The following DDX42 variants were observed in gnomAD, a reference collection of about 807,000 sequenced individuals.
The protein encoded by DDX42 is ATP-dependent RNA helicase DDX42.
A neutral mutation model predicts 101.5 loss-of-function variants in DDX42; 22 were observed. The ratio of observed to expected loss-of-function variants is 0.22; its 90% CI spans 0.15 to 0.31. The LOEUF is 0.31. Among genes scored for constraint, DDX42 ranks in the 10% least tolerant of loss-of-function variants. DDX42 has a pLI of 1.00. For missense variants in DDX42, 849 were observed against 1,199.9 expected, an observed-to-expected ratio of 0.71 and a Z score of 4.32; for synonymous variants, 402 against 401.2, an observed-to-expected ratio of 1.00 and a Z score of -0.02.
intron 2 of DDX42, among the ~76,000 whole-genome samples, chr17:63,788,172 T>C (rs1333186227): frequency 6.6e-6 from 1 of 151,850 alleles, no homozygotes; most frequent in Non-Finnish European, 1.5e-5. Flanking sequence ...CCCAAAGTGC[T>C]GGGATTACAT....
intron 15 of DDX42, among the ~76,000 whole-genome samples, chr17:63,814,189 C>T (rs1007842411): frequency 1.3e-5 from 2 of 152,230 alleles, no homozygotes; most frequent in Non-Finnish European, 2.9e-5. Context: ...TCTCAGACCT[C>T]TGACCACACT....
intron 5 of DDX42, chr17:63,800,223 C>T (rs1395554784): frequency 1.0e-5 from 4 of 401,914 alleles, no homozygotes; most frequent in Non-Finnish European, 1.8e-5. Flanking sequence ...GTGGAACAGA[C>T]AGATTTGTAA....
chr17:63,779,533 G>A (rs1325701991), intron 1 of DDX42, among the ~76,000 whole-genome samples: 1 of 151,620 alleles, frequency 6.6e-6, no homozygotes, highest in African/African-American at 2.4e-5. Flanking sequence ...CAAAGTGCTG[G>A]GACTGCAGTT....
Position 63,803,840 on chromosome 17 carries a change from G to A in DDX42, c.622-1231G>A, listed in dbSNP as rs188750850. On this transcript the variant is annotated intron_variant, in intron 6 of 17. Transcript: ENST00000389924. ...AATTTTTGTATTTTTGGTAGAGACG[G>A]GCTTTCACCATGTTGGCCAGGCTGG... is the stretch of plus-strand genomic sequence containing the variant. Among the ~76,000 whole-genome samples, 803 of 151,718 alleles carry A rather than the reference G, an allele frequency of 5.3e-3. 5 individuals are homozygous for A. Among genetic ancestry groups the A allele is most frequent in the African/African-American group, 0.018 (733 of 41,404 alleles).
intron 1 of DDX42, among the ~76,000 whole-genome samples, chr17:63,783,855 G>T (rs958061373): frequency 6.6e-6 from 1 of 152,074 alleles, no homozygotes; most frequent in African/African-American, 2.4e-5. Context: ...TTGAGGTCGG[G>T]AGTACAAGAC....
At chr17:63,778,529 C>A (rs1037917592) in intron 1 of DDX42, among the ~76,000 whole-genome samples, 4 of 152,192 alleles carry the variant, frequency 2.6e-5, no homozygotes, top group Non-Finnish European at 5.9e-5. Context: ...ATGGCTGCAT[C>A]TGATTCCATT....
chr17:63,814,675 C>CTTTTTTTTGTTT (rs2039953571), intron 15 of DDX42, among the ~76,000 whole-genome samples: 1 of 90,456 alleles, frequency 1.1e-5, no homozygotes, highest in African/African-American at 4.4e-5. Flanking sequence ...GAGACATTTG[C>CTTTTTTTTGTTT]TTTTTTTTTT....
chr17:63,818,305 G>C lies in DDX42; in HGVS notation c.2724G>C (p.Lys908Asn), dbSNP rs574761500. 1.5e-5 allele frequency: 25 copies of C among 1,614,070 alleles called. No homozygotes were observed. The Admixed American group carries it at 2.0e-4, about 13-fold the overall frequency. The part of the protein sequence containing the change: ...PKMEPKVDSS[K>N]MDKVDSKTDK... ...TGGAACCCAAAGTGGACAGCAGCAAGATGGACAAGGTGGACAGCAAGACAG... is the reference window on the plus strand; with the variant it reads ...TGGAACCCAAAGTGGACAGCAGCAACATGGACAAGGTGGACAGCAAGACAG... Residue 908 changes from lysine to asparagine, a missense_variant, in exon 18 of 18, where the codon AAG (lysine) becomes AAC (asparagine). Physicochemically the swap from Lys to Asn is moderately conservative, Grantham distance 94 (BLOSUM62 0). Around this residue, in one of 5 missense-constraint regions of DDX42, gnomAD observed 300 missense variants for 304.9 expected, o/e 0.98. Transcript: ENST00000389924.
chr17:63,818,503 T>C lies in DDX42; in HGVS notation c.*105T>C. ...TGGGGTCCAAAGTGTAAGGACCCCC[T>C]GCCCTTAGTGGAGAGCTGGAGCTTG... On this transcript the variant is annotated 3_prime_UTR_variant, in exon 18 of 18. Transcript: ENST00000389924. The C allele has an allele frequency of 9.9e-7, 1 of 1,014,472 alleles. No individual in the cohort carries two copies. Among genetic ancestry groups the C allele is most frequent in the Non-Finnish European group, 1.4e-6 (1 of 709,428 alleles). The allele number at this position is 1,014,472 out of a possible 1,614,324, so 62.8% of individuals were successfully genotyped here.
At chr17:63,785,058 T>C (rs1192406719) in intron 1 of DDX42, among the ~76,000 whole-genome samples, 1 of 152,196 alleles carries the variant, frequency 6.6e-6, no homozygotes, top group Non-Finnish European at 1.5e-5. Flanking sequence ...TGCATACAAG[T>C]AGCAAAAAAT....
intron 1 of DDX42, among the ~76,000 whole-genome samples, chr17:63,779,932 C>T (rs1430225060): frequency 6.6e-6 from 1 of 152,162 alleles, no homozygotes; most frequent in Non-Finnish European, 1.5e-5. Flanking sequence ...TTTGCTTCTT[C>T]TGTCAGCTAT....
intron 3 of DDX42, among the ~76,000 whole-genome samples, chr17:63,793,868 A>ATG (rs1277293513): frequency 6.7e-6 from 1 of 148,400 alleles, no homozygotes; most frequent in Non-Finnish European, 1.5e-5. Flanking sequence ...ATATATATAT[A>ATG]TATATATATA....
chr17:63,794,949 A>G (rs1365991897), intron 3 of DDX42, among the ~76,000 whole-genome samples: 9 of 151,972 alleles, frequency 5.9e-5, no homozygotes, highest in South Asian at 2.1e-4. Context: ...AAAAAAAAAA[A>G]AAAGAAAAAT....
intron 2 of DDX42, among the ~76,000 whole-genome samples, chr17:63,788,167 A>G (rs2039572431): frequency 6.6e-6 from 1 of 151,782 alleles, no homozygotes; most frequent in African/African-American, 2.4e-5. Context: ...GGCCTCCCAA[A>G]GTGCTGGGAT....
intron 11 of DDX42, chr17:63,810,251 A>ATTTTTTTTTTTTTTTT (rs11450730): frequency 1.7e-5 from 2 of 120,908 alleles, no homozygotes; most frequent in Non-Finnish European, 1.6e-5. Context: ...CAGCCTGGCT[A>ATTTTTTTTTTTTTTTT]TTTTTTTTTT....
At chr17:63,811,515 T>C in intron 13 of DDX42, 1 of 347,926 alleles carries the variant, frequency 2.9e-6, no homozygotes, top group South Asian at 4.6e-5. Flanking sequence ...GAACTGACGT[T>C]TTAATTATTG....
chr17:63,814,318 C>G (rs1175242995), intron 15 of DDX42, among the ~76,000 whole-genome samples: 1 of 152,180 alleles, frequency 6.6e-6, no homozygotes, highest in Non-Finnish European at 1.5e-5. Context: ...GGAACACTTT[C>G]TGAGAGCAGA....
intron 3 of DDX42, among the ~76,000 whole-genome samples, chr17:63,797,115 G>A (rs2039702558): frequency 6.6e-6 from 1 of 152,024 alleles, no homozygotes; most frequent in African/African-American, 2.4e-5. Context: ...AATTGCCTAG[G>A]CCGGGCGCGG....
At position 63,809,550 on chromosome 17, in the gene DDX42, G is replaced by T; in HGVS notation, c.1153-10G>T. The stretch of plus-strand genomic sequence containing the variant: ...AATTATACTTACTGTTCATTTTGTT[G>T]ATCTTATAGGGTCGACTGATAGATC... On this transcript the variant is annotated splice_polypyrimidine_tract_variant and intron_variant, in intron 10 of 17. Transcript: ENST00000389924. The T allele has an allele frequency of 1.2e-6, 2 of 1,610,108 alleles. No individual in the cohort carries two copies. The highest frequency in any genetic ancestry group is 1.7e-6 in the Non-Finnish European group (2 of 1,176,556).
Sources: allele counts gnomAD v4.1 joint callset (sites outside exome capture counted in the v4.1 genomes callset), GRCh38; gene constraint gnomAD v4.1.1; regional missense constraint gnomAD v4.1.1; transcripts MANE v1.5; gene names NCBI Gene and HGNC (gene_info 2026-07-23, HGNC 2026-07-21).